The following GPC6 variants were observed in gnomAD, a reference collection of about 807,000 sequenced individuals.
The protein encoded by GPC6 is glypican 6.
In GPC6, 14 loss-of-function variants were observed where a neutral mutation model predicts 55.2. The observed-to-expected ratio is 0.25, with a 90% CI of 0.17 to 0.40. GPC6 has a LOEUF of 0.40. GPC6 is among the 10% of genes least tolerant of loss of function. The probability of loss-of-function intolerance (pLI) is 1.00; values close to 1 mark genes in which losing one functional copy is unlikely to be tolerated. For synonymous variants in GPC6, 278 were observed against 259.6 expected (o/e 1.07, Z -0.68); for missense variants, 641 against 708.5 (o/e 0.90, Z 1.08).
intron 1 of GPC6, among the ~76,000 whole-genome samples, chr13:93,433,372 G>C (rs1022370407): frequency 1.3e-5 from 2 of 152,134 alleles, no homozygotes; most frequent in African/African-American, 4.8e-5. Flanking sequence ...TTATTTCACT[G>C]GGGCCAAATG....
intron 6 of GPC6, among the ~76,000 whole-genome samples, chr13:94,379,051 A>G (rs978805342): frequency 6.0e-5 from 9 of 150,618 alleles, no homozygotes; most frequent in Admixed American, 4.6e-4. Context: ...AGTTTCCAGG[A>G]AAAAAAACCA....
At chr13:94,267,674 G>A (rs1235911868) in intron 4 of GPC6, among the ~76,000 whole-genome samples, 1 of 152,172 alleles carries the variant, frequency 6.6e-6, no homozygotes, top group African/African-American at 2.4e-5. Flanking sequence ...TCTAAAGTGT[G>A]ATTCCATCCT....
intron 6 of GPC6, 50 bp downstream of exon 6, chr13:94,306,173 G>T (rs1741437512): frequency 3.7e-6 from 6 of 1,605,286 alleles, no homozygotes; most frequent in African/African-American, 1.3e-5. Flanking sequence ...TTTTACCAAG[G>T]TCATTCTTTG....
chr13:93,335,891 GT>G (rs1323332108), intron 1 of GPC6, among the ~76,000 whole-genome samples: 1 of 152,096 alleles, frequency 6.6e-6, no homozygotes, highest in Non-Finnish European at 1.5e-5. Context: ...AGACTGCCTT[GT>G]AGTTCTATTA....
At chr13:93,788,922 A>G (rs1482548836) in intron 2 of GPC6, among the ~76,000 whole-genome samples, 1 of 152,136 alleles carries the variant, frequency 6.6e-6, no homozygotes, top group Non-Finnish European at 1.5e-5. Context: ...AATTGGTAGG[A>G]TATTATTTAG....
chr13:94,346,582 C>T (rs1878300207), intron 6 of GPC6, among the ~76,000 whole-genome samples: 2 of 151,998 alleles, frequency 1.3e-5, no homozygotes, highest in East Asian at 1.9e-4. Context: ...AATAGCTGGG[C>T]GTAGTGGCGG....
Position 93,739,901 on chromosome 13 carries a change from T to A in GPC6, c.320-90253T>A, listed in dbSNP as rs1188477625. ...AAATGAATAAGTAAAATACATAATTTGTCAGATTGTGAAAGGTACTATGAA... is the reference window on the plus strand; with the variant it reads ...AAATGAATAAGTAAAATACATAATTAGTCAGATTGTGAAAGGTACTATGAA... On this transcript the variant is annotated intron_variant, in intron 2 of 8. Transcript: ENST00000377047. Among the ~76,000 whole-genome samples, 4 of 152,242 alleles carry A rather than the reference T, an allele frequency of 2.6e-5. No individual in the cohort carries two copies. In the East Asian group the frequency reaches 5.8e-4, roughly 22 times the overall value.
At chr13:93,765,034 C>T (rs947427118) in intron 2 of GPC6, among the ~76,000 whole-genome samples, 3 of 152,010 alleles carry the variant, frequency 2.0e-5, no homozygotes, top group East Asian at 1.9e-4. Context: ...CTCCTGACCT[C>T]GCGATCCACC....
intron 3 of GPC6, among the ~76,000 whole-genome samples, chr13:93,919,724 T>C (rs913715076): frequency 2.6e-5 from 4 of 152,248 alleles, no homozygotes; most frequent in African/African-American, 9.6e-5. Flanking sequence ...CTGATATTCC[T>C]GTGTCCATGT....
chr13:93,527,900 CT>C (rs1881716453), intron 1 of GPC6, among the ~76,000 whole-genome samples: 1 of 152,158 alleles, frequency 6.6e-6, no homozygotes, highest in Non-Finnish European at 1.5e-5. Context: ...CACTTATAGA[CT>C]GTACCATAGA....
At chr13:93,525,217 A>G (rs1008372038) in intron 1 of GPC6, among the ~76,000 whole-genome samples, 1 of 152,100 alleles carries the variant, frequency 6.6e-6, no homozygotes, top group Non-Finnish European at 1.5e-5. Context: ...AAGAGACTGC[A>G]TGCTTTGAAC....
intron 6 of GPC6, among the ~76,000 whole-genome samples, chr13:94,349,156 G>A (rs1206798775): frequency 6.6e-6 from 1 of 152,108 alleles, no homozygotes; most frequent in Non-Finnish European, 1.5e-5. Flanking sequence ...AACCACCCAA[G>A]GTAGAAACTG....
chr13:93,522,540 C>T (rs2139401415), intron 1 of GPC6, among the ~76,000 whole-genome samples: 1 of 151,884 alleles, frequency 6.6e-6, no homozygotes, highest in African/African-American at 2.4e-5. Flanking sequence ...TAACAATATT[C>T]CCTTTATGGC....
intron 3 of GPC6, among the ~76,000 whole-genome samples, chr13:93,947,179 T>G (rs1037123378): frequency 1.3e-5 from 2 of 152,206 alleles, no homozygotes; most frequent in Non-Finnish European, 2.9e-5. Context: ...GTAAGAAGCA[T>G]GCCGTTAAGT....
chr13:93,880,841 A>G lies in GPC6; in HGVS notation c.711+50296A>G, dbSNP rs537425619. 2.0e-5 allele frequency among the ~76,000 whole-genome samples: 3 copies of G among 151,348 alleles called. No individual in the cohort carries two copies. In the South Asian group the frequency reaches 6.3e-4, roughly 32 times the overall value. Reference sequence around the variant, plus strand: ...GAATCACAGAGTGATTACCCAATTTAAAAAATAAATAAATAAAAATAAAAA... The same window carrying G: ...GAATCACAGAGTGATTACCCAATTTGAAAAATAAATAAATAAAAATAAAAA... On this transcript the variant is annotated intron_variant, in intron 3 of 8. Coordinates refer to ENST00000377047, the MANE Select transcript of GPC6 (RefSeq NM_005708.5).
At chr13:93,710,500 A>G (rs1028369429) in intron 2 of GPC6, among the ~76,000 whole-genome samples, 1 of 151,838 alleles carries the variant, frequency 6.6e-6, no homozygotes, top group African/African-American at 2.4e-5. Context: ...CAATAATGGT[A>G]TGTGTAGGAG....
intron 2 of GPC6, among the ~76,000 whole-genome samples, chr13:93,609,381 T>TTTTTGTTTTG: frequency 6.6e-6 from 1 of 152,174 alleles, no homozygotes; most frequent in South Asian, 2.1e-4. Context: ...CACCCAGCTA[T>TTTTTGTTTTG]TTTTGTTTTG....
intron 1 of GPC6, among the ~76,000 whole-genome samples, chr13:93,392,366 T>C (rs747573292): frequency 1.2e-4 from 19 of 152,228 alleles, no homozygotes; most frequent in Non-Finnish European, 2.2e-4. Context: ...TCGGAAACAA[T>C]GAAACTCCAT....
At chr13:93,881,450 A>G (rs1333605393) in intron 3 of GPC6, among the ~76,000 whole-genome samples, 1 of 152,126 alleles carries the variant, frequency 6.6e-6, no homozygotes, top group Non-Finnish European at 1.5e-5. Flanking sequence ...TTCCACATTT[A>G]AATGGCATAA....
Sources: gnomAD v4.1 joint callset for allele counts (sites outside exome capture counted in the v4.1 genomes callset) on GRCh38, gnomAD v4.1.1 for gene constraint, MANE v1.5 for transcripts, NCBI Gene and HGNC (gene_info 2026-07-23, HGNC 2026-07-21) for gene names.